Variants in TENT5D observed in about 807,000 individuals in gnomAD.
The protein encoded by TENT5D is cancer/testis antigen 112.
For synonymous variants in TENT5D, 103 were observed against 100.6 expected, an observed-to-expected ratio of 1.02 and a Z score of -0.15; for missense variants, 191 against 287.0, an observed-to-expected ratio of 0.67 and a Z score of 2.42.
intron 3 of TENT5D, among the ~76,000 whole-genome samples, chrX:80,411,031 G>T (rs201740194): frequency 3.0e-5 from 3 of 99,284 alleles, no homozygotes; most frequent in East Asian, 6.6e-4. Flanking sequence ...ACTCATAGGT[G>T]GGAATTGAAC....
intron 3 of TENT5D, among the ~76,000 whole-genome samples, chrX:80,344,997 C>G (rs1009984944): frequency 2.7e-5 from 3 of 110,931 alleles, no homozygotes; most frequent in Non-Finnish European, 5.7e-5. Context: ...TACCTATAAA[C>G]ATAGAAAGAA....
At chrX:80,423,866 C>T (rs1352163209) in intron 1 of TENT5D, among the ~76,000 whole-genome samples, 2 of 111,100 alleles carry the variant, frequency 1.8e-5, no homozygotes. Context: ...GCAGGCATGT[C>T]TTAGGCACAA....
intron 3 of TENT5D, among the ~76,000 whole-genome samples, chrX:80,383,720 G>T: frequency 9.0e-6 from 1 of 111,193 alleles, no homozygotes; most frequent in Non-Finnish European, 1.9e-5. Context: ...GCCGGGCATG[G>T]TGGTGGGCAC....
chrX:80,428,038 A>C (rs1932016936), intron 1 of TENT5D, among the ~76,000 whole-genome samples: 1 of 112,527 alleles, frequency 8.9e-6, no homozygotes, highest in African/African-American at 3.2e-5. Flanking sequence ...AATTAAGCTG[A>C]GCACTTTTTA....
At chrX:80,399,633 C>T (rs1030824454) in intron 3 of TENT5D, among the ~76,000 whole-genome samples, 2 of 111,936 alleles carry the variant, frequency 1.8e-5, no homozygotes, top group African/African-American at 6.5e-5. Context: ...TAAAACTATT[C>T]AAAAGACATG....
At chrX:80,443,130 A>C (rs776167652) in exon 3 of TENT5D, 16 of 1,211,092 alleles carry the variant, frequency 1.3e-5, no homozygotes, top group Non-Finnish European at 1.7e-5. Context: ...TAACCAAAGA[A>C]TCCTATCCTG....
chrX:80,413,020 T>C (rs1200119242), intron 3 of TENT5D, among the ~76,000 whole-genome samples: 2 of 111,366 alleles, frequency 1.8e-5, no homozygotes, highest in East Asian at 5.6e-4. Flanking sequence ...TTTATTAAAT[T>C]TTATGTAAAC....
chrX:80,435,635 T>C (rs940844689), intron 1 of TENT5D, among the ~76,000 whole-genome samples: 26 of 112,484 alleles, frequency 2.3e-4, no homozygotes, highest in African/African-American at 8.1e-4. Flanking sequence ...ATAAAATAGC[T>C]GCCCATTTAG....
intron 1 of TENT5D, among the ~76,000 whole-genome samples, chrX:80,429,696 G>T (rs984003808): frequency 5.4e-5 from 6 of 110,851 alleles, no homozygotes; most frequent in African/African-American, 2.0e-4. Context: ...CCTCCTCCTG[G>T]TTTCTCTTGT....
intron 3 of TENT5D, among the ~76,000 whole-genome samples, chrX:80,384,941 A>AATATTCC (rs1930959579): frequency 9.0e-6 from 1 of 111,531 alleles, no homozygotes; most frequent in Non-Finnish European, 1.9e-5. Flanking sequence ...CAAATGGAAG[A>AATATTCC]ATATTCCATG....
chrX:80,436,889 A>G (rs1381127911), intron 1 of TENT5D, among the ~76,000 whole-genome samples: 1 of 111,888 alleles, frequency 8.9e-6, no homozygotes, highest in Non-Finnish European at 1.9e-5. Flanking sequence ...ATTGGTACAG[A>G]GATCACTTTT....
chrX:80,384,330 A>G (rs766621370), intron 3 of TENT5D, among the ~76,000 whole-genome samples: 3 of 79,118 alleles, frequency 3.8e-5, no homozygotes, highest in African/African-American at 1.4e-4. Flanking sequence ...AAACCACATG[A>G]TTATCTCAAT....
intron 1 of TENT5D, among the ~76,000 whole-genome samples, chrX:80,422,210 C>T (rs942022877): frequency 3.6e-5 from 4 of 110,835 alleles, no homozygotes; most frequent in African/African-American, 1.3e-4. Context: ...TGCAGTGGCT[C>T]ATGCCTGTAA....
chrX:80,399,899 C>G (rs1490103857), intron 3 of TENT5D, among the ~76,000 whole-genome samples: 1 of 111,838 alleles, frequency 8.9e-6, no homozygotes, highest in Admixed American at 9.5e-5. Flanking sequence ...TTTGACTTCC[C>G]AAACACCAAA....
At chrX:80,374,282 A>G (rs1004377885) in intron 3 of TENT5D, among the ~76,000 whole-genome samples, 2 of 111,115 alleles carry the variant, frequency 1.8e-5, no homozygotes, top group East Asian at 2.8e-4. Context: ...TGTATTTTCT[A>G]TTGTGAATAG....
rs1032776687 is a variant in TENT5D at position 80,358,550 on chromosome X, G to C, written c.-142+15986G>C. On this transcript the variant is annotated intron_variant, in intron 3 of 4. Coordinates refer to the TENT5D transcript ENST00000538312. ...TTATAACCAAGAGTTTACCTTTTGC[G>C]TGAAGCTGTCTATGGTTTTGTTTAT... Among the ~76,000 whole-genome samples, 2 of 112,267 alleles carry C rather than the reference G, an allele frequency of 1.8e-5. 1 individual carries two copies. The highest frequency in any genetic ancestry group is 7.2e-4 in the South Asian group (2 of 2,761).
At chrX:80,418,512 G>T (rs1412547113), upstream of TENT5D, among the ~76,000 whole-genome samples, 1 of 111,060 alleles carries the variant, frequency 9.0e-6, no homozygotes, top group Non-Finnish European at 1.9e-5. Context: ...AATGAATGGG[G>T]ATGAAACCAG....
chrX:80,391,388 T>C (rs1931124223), intron 3 of TENT5D, among the ~76,000 whole-genome samples: 1 of 112,246 alleles, frequency 8.9e-6, no homozygotes, highest in South Asian at 3.6e-4. Context: ...AATTAAATGA[T>C]CTTACATTAT....
At chrX:80,387,897 T>A (rs1372025537) in intron 3 of TENT5D, among the ~76,000 whole-genome samples, 2 of 110,835 alleles carry the variant, frequency 1.8e-5, no homozygotes, top group African/African-American at 6.6e-5. Context: ...CACATAAATA[T>A]ATTCTATTCT....
Sources: gnomAD v4.1 joint callset for allele counts (sites outside exome capture counted in the v4.1 genomes callset) on GRCh38, gnomAD v4.1.1 for gene constraint, MANE v1.5 for transcripts, NCBI Gene and HGNC (gene_info 2026-07-23, HGNC 2026-07-21) for gene names.